Variants in OPCML observed in about 807,000 individuals in gnomAD.
OPCML encodes the protein opioid-binding protein/cell adhesion molecule.
A neutral mutation model predicts 37.8 loss-of-function variants in OPCML; 13 were observed. The observed-to-expected ratio is 0.34, with a 90% CI of 0.22 to 0.55. The LOEUF is 0.55. Among genes scored for constraint, OPCML ranks in the 20% least tolerant of loss-of-function variants. The pLI is 0.91. For synonymous variants in OPCML, 176 were observed against 168.8 expected, an observed-to-expected ratio of 1.04 and a Z score of -0.33; for missense variants, 341 against 435.6, an observed-to-expected ratio of 0.78 and a Z score of 1.93.
At chr11:133,041,830 G>T (rs1023786599) in intron 1 of OPCML, among the ~76,000 whole-genome samples, 2 of 152,222 alleles carry the variant, frequency 1.3e-5, no homozygotes, top group African/African-American at 4.8e-5. Context: ...TCTTCTTCGG[G>T]CCCCTCCAGT....
chr11:132,720,441 C>T (rs188214764), intron 2 of OPCML, among the ~76,000 whole-genome samples: 1 of 152,330 alleles, frequency 6.6e-6, no homozygotes, highest in Admixed American at 6.5e-5. Context: ...AAACTCATTT[C>T]TCCAAACATT....
intron 2 of OPCML, among the ~76,000 whole-genome samples, chr11:132,711,222 C>A (rs761766285): frequency 3.3e-5 from 5 of 152,132 alleles, no homozygotes; most frequent in African/African-American, 7.2e-5. Flanking sequence ...TCTTGATGAA[C>A]CTTCATATGG....
intron 1 of OPCML, among the ~76,000 whole-genome samples, chr11:133,162,553 C>G (rs1252690500): frequency 6.6e-6 from 1 of 150,888 alleles, no homozygotes; most frequent in African/African-American, 2.4e-5. Flanking sequence ...GGATCTGGGA[C>G]TGCCGCTGCC....
chr11:132,633,562 G>A (rs1407251313), intron 3 of OPCML, among the ~76,000 whole-genome samples: 1 of 152,158 alleles, frequency 6.6e-6, no homozygotes, highest in Non-Finnish European at 1.5e-5. Context: ...GAGGCCCCAG[G>A]CCCTGGGTCT....
intron 3 of OPCML, among the ~76,000 whole-genome samples, chr11:132,618,422 G>A (rs1395048102): frequency 6.6e-6 from 1 of 152,110 alleles, no homozygotes. Flanking sequence ...AGACTCACTT[G>A]AACCCGGGAG....
chr11:132,871,245 A>G (rs1942785125), intron 2 of OPCML, among the ~76,000 whole-genome samples: 2 of 151,496 alleles, frequency 1.3e-5, no homozygotes, highest in Non-Finnish European at 1.5e-5. Flanking sequence ...AGCCCTCCCT[A>G]TCTGTGGGTT....
intron 1 of OPCML, among the ~76,000 whole-genome samples, chr11:133,156,344 CTCTA>C (rs1950062044): frequency 6.6e-6 from 1 of 152,200 alleles, no homozygotes; most frequent in Non-Finnish European, 1.5e-5. Flanking sequence ...GGTTTTTCTT[CTCTA>C]TCTAGCCAAC....
chr11:132,825,422 C>T (rs754356769), intron 2 of OPCML, among the ~76,000 whole-genome samples: 2 of 152,312 alleles, frequency 1.3e-5, no homozygotes, highest in African/African-American at 2.4e-5. Context: ...GGTTTTAAAT[C>T]CCACCTCCTC....
At chr11:132,930,955 A>G (rs766601475) in intron 2 of OPCML, among the ~76,000 whole-genome samples, 21 of 152,348 alleles carry the variant, frequency 1.4e-4, no homozygotes, top group Non-Finnish European at 2.5e-4. Context: ...TGGTCCTGGC[A>G]TAACAACAGA....
intron 3 of OPCML, among the ~76,000 whole-genome samples, chr11:132,557,847 C>A (rs562597073): frequency 1.3e-5 from 2 of 152,098 alleles, no homozygotes; most frequent in African/African-American, 4.8e-5. Context: ...AGAAAAGGCT[C>A]TGCAGAAGAT....
At chr11:133,373,159 C>G (rs977722553) in intron 1 of OPCML, among the ~76,000 whole-genome samples, 2 of 152,000 alleles carry the variant, frequency 1.3e-5, no homozygotes, top group Admixed American at 1.3e-4. Context: ...ATTAGTTGAA[C>G]CCTCAATCCA....
chr11:133,314,904 C>T (rs1048905705), intron 1 of OPCML, among the ~76,000 whole-genome samples: 1 of 152,160 alleles, frequency 6.6e-6, no homozygotes, highest in Non-Finnish European at 1.5e-5. Context: ...TGGCAATCAG[C>T]GTAACAGATG....
chr11:132,706,218 A>C (rs1387145780), intron 2 of OPCML, among the ~76,000 whole-genome samples: 1 of 152,206 alleles, frequency 6.6e-6, no homozygotes, highest in Non-Finnish European at 1.5e-5. Context: ...TCCAGACTCC[A>C]AGTGCTTGTG....
intron 4 of OPCML, among the ~76,000 whole-genome samples, chr11:132,479,785 G>A (rs539713042): frequency 1.3e-5 from 2 of 152,062 alleles, no homozygotes; most frequent in African/African-American, 4.8e-5. Flanking sequence ...CACAGGGCCG[G>A]GTACTCCAAC....
intron 1 of OPCML, among the ~76,000 whole-genome samples, chr11:133,209,864 A>G (rs559218464): frequency 1.3e-5 from 2 of 152,322 alleles, no homozygotes; most frequent in Admixed American, 6.5e-5. Flanking sequence ...ACTGAGTTTC[A>G]CCTCTATTTA....
At position 132,415,718 on chromosome 11, in the gene OPCML, A is replaced by G. The variant is rs2095936374; in HGVS notation, c.*4475T>C. 6.6e-6 allele frequency: 1 copy of G among 152,580 alleles called. No homozygotes were observed. Among genetic ancestry groups the G allele is most frequent in the African/African-American group, 2.4e-5 (1 of 41,430 alleles). The allele number at this position is 152,580 out of a possible 1,614,324, so 9.5% of individuals were successfully genotyped here. ...CTGCATCTAATTAAGTCCACTCCAC[A>G]TTTCTTTGGACTCTAAGTATTCTGC... On this transcript the variant is annotated 3_prime_UTR_variant, in exon 8 of 8. Coordinates refer to ENST00000524381, the MANE Select transcript of OPCML (RefSeq NM_001012393.5).
intron 2 of OPCML, among the ~76,000 whole-genome samples, chr11:132,916,519 A>C (rs1944611037): frequency 6.6e-6 from 1 of 152,184 alleles, no homozygotes; most frequent in Non-Finnish European, 1.5e-5. Flanking sequence ...GCTTGAACAC[A>C]CAATCTGAAT....
In OPCML at chr11:133,119,335, T is replaced by A. The variant is rs1057513554; in HGVS notation, c.62-176325A>T. Among the ~76,000 whole-genome samples, 4 of 151,888 alleles carry A rather than the reference T, an allele frequency of 2.6e-5. No homozygotes were observed. The East Asian group carries it at 7.7e-4, about 29-fold the overall frequency. ...TCTAGTATATAATATCTATATCTTT[T>A]CAAATATACATTTGGAATTCTACTA... On this transcript the variant is annotated intron_variant, in intron 1 of 7. Coordinates refer to ENST00000524381, the MANE Select transcript of OPCML (RefSeq NM_001012393.5).
chr11:132,794,276 TC>T (rs1591620077), intron 2 of OPCML, among the ~76,000 whole-genome samples: 1 of 152,294 alleles, frequency 6.6e-6, no homozygotes, highest in Non-Finnish European at 1.5e-5. Context: ...TCTGAGGCTC[TC>T]TTTAAGAATC....
Sources: allele counts gnomAD v4.1 joint callset (sites outside exome capture counted in the v4.1 genomes callset), GRCh38; gene constraint gnomAD v4.1.1; transcripts MANE v1.5; gene names NCBI Gene and HGNC (gene_info 2026-07-23, HGNC 2026-07-21).